The following ZNF469 variants were observed in gnomAD, a reference collection of about 807,000 sequenced individuals.
The protein encoded by ZNF469 is zinc finger protein 469.
ZNF469 carries 1 observed loss-of-function variant against 1.0 expected under a neutral mutation model. The observed-to-expected ratio is 1.00, with a 90% CI of 0.35 to 4.73. The LOEUF is 4.73. Among genes scored for constraint, ZNF469 ranks in the 30% most tolerant of loss-of-function variants. The pLI is 0.16. For missense variants in ZNF469, 6,100 were observed against 5,356.3 expected, an observed-to-expected ratio of 1.14 and a Z score of -4.33; for synonymous variants, 2,703 against 2,363.4, an observed-to-expected ratio of 1.14 and a Z score of -4.17.
chr16:88,279,739 A>G, the ZNF469 span, among the ~76,000 whole-genome samples: 388 of 98,014 alleles, frequency 4.0e-3, no homozygotes, highest in Middle Eastern at 0.029. Flanking sequence ...GCTGCGCCAC[A>G]CTGACACTCG....
chr16:88,229,028 C>A, the ZNF469 span, among the ~76,000 whole-genome samples: 8 of 152,132 alleles, frequency 5.3e-5, no homozygotes, highest in Non-Finnish European at 7.3e-5. Flanking sequence ...CTGCAGTCCA[C>A]GGTCAACAAA....
At chr16:88,239,368 G>C in the ZNF469 span, among the ~76,000 whole-genome samples, 1 of 152,054 alleles carries the variant, frequency 6.6e-6, no homozygotes. Flanking sequence ...ACTGTTGAAA[G>C]CCACTTATAT....
At chr16:88,124,964 T>G in the ZNF469 span, among the ~76,000 whole-genome samples, 1 of 152,260 alleles carries the variant, frequency 6.6e-6, no homozygotes, top group Non-Finnish European at 1.5e-5. Flanking sequence ...TTTGTCTATC[T>G]CAGGGTCATG....
the ZNF469 span, among the ~76,000 whole-genome samples, chr16:88,363,510 T>G: frequency 6.6e-6 from 1 of 152,248 alleles, no homozygotes. Context: ...CATGCATGTG[T>G]GGCTTGGGGG....
the ZNF469 span, among the ~76,000 whole-genome samples, chr16:88,171,703 G>A: frequency 6.6e-5 from 10 of 152,288 alleles, no homozygotes; most frequent in Admixed American, 1.3e-4. Flanking sequence ...AAGACCCATC[G>A]CTGCGTTACC....
chr16:88,315,171 G>A, the ZNF469 span, among the ~76,000 whole-genome samples: 1 of 152,312 alleles, frequency 6.6e-6, no homozygotes, highest in East Asian at 1.9e-4. Flanking sequence ...TCCCCCGAGG[G>A]CCAGGGCTCC....
chr16:88,375,906 AGAAGAGCTGGCTGACGT>A, the ZNF469 span, among the ~76,000 whole-genome samples: 6 of 152,260 alleles, frequency 3.9e-5, no homozygotes, highest in African/African-American at 1.2e-4. Flanking sequence ...ACTAAAGGGA[AGAAGAGCTGGCTGACGT>A]GTGGGCCGGA....
At chr16:88,190,478 G>A in the ZNF469 span, among the ~76,000 whole-genome samples, 1 of 152,254 alleles carries the variant, frequency 6.6e-6, no homozygotes, top group Admixed American at 6.5e-5. Context: ...GGAGGTGGAG[G>A]AGGGAGGACA....
chr16:88,122,328 G>A, the ZNF469 span, among the ~76,000 whole-genome samples: 1 of 148,884 alleles, frequency 6.7e-6, no homozygotes, highest in African/African-American at 2.6e-5. Flanking sequence ...CACTTGGTGT[G>A]GCCACGGCAG....
chr16:88,192,936 G>A, the ZNF469 span, among the ~76,000 whole-genome samples: 2 of 149,698 alleles, frequency 1.3e-5, no homozygotes, highest in African/African-American at 2.5e-5. Context: ...TGGTGATAGT[G>A]ATGATGGTGA....
the ZNF469 span, among the ~76,000 whole-genome samples, chr16:88,183,666 G>C: frequency 2.6e-5 from 4 of 152,330 alleles, no homozygotes; most frequent in East Asian, 5.8e-4. Context: ...TGCCTCTGTC[G>C]GGGCAGAAGT....
the ZNF469 span, among the ~76,000 whole-genome samples, chr16:88,197,140 G>A: frequency 6.6e-6 from 1 of 152,198 alleles, no homozygotes. Context: ...ATCACACCTA[G>A]GAAGCTGGCT....
At chr16:88,346,131 T>C in the ZNF469 span, among the ~76,000 whole-genome samples, 4,599 of 152,200 alleles carry the variant, frequency 0.03, 226 homozygotes, top group African/African-American at 0.1. Context: ...TTCCTACTCT[T>C]CCTCCGTGGG....
At chr16:88,397,329 G>A (rs1179801991) in intron 1 of ZNF469, among the ~76,000 whole-genome samples, 1 of 152,238 alleles carries the variant, frequency 6.6e-6, no homozygotes, top group Non-Finnish European at 1.5e-5. Context: ...TGGGACCTGG[G>A]ACAGGGTCAG....
At chr16:88,268,234 C>G in the ZNF469 span, among the ~76,000 whole-genome samples, 1 of 152,112 alleles carries the variant, frequency 6.6e-6, no homozygotes, top group African/African-American at 2.4e-5. Flanking sequence ...TCCCATGCCC[C>G]GTTGTCAGTC....
chr16:88,172,228 T>C, the ZNF469 span, among the ~76,000 whole-genome samples: 2 of 152,168 alleles, frequency 1.3e-5, no homozygotes, highest in East Asian at 3.9e-4. Context: ...TGGCTAAGCG[T>C]TGATCTGTGT....
At chr16:88,251,856 G>A in the ZNF469 span, among the ~76,000 whole-genome samples, 1 of 151,918 alleles carries the variant, frequency 6.6e-6, no homozygotes, top group African/African-American at 2.4e-5. Flanking sequence ...ACCGCGCCGG[G>A]CCCCTGCTCT....
chr16:88,119,428 A>C, the ZNF469 span, among the ~76,000 whole-genome samples: 3 of 152,214 alleles, frequency 2.0e-5, no homozygotes, highest in African/African-American at 7.2e-5. Flanking sequence ...GACCCTGATG[A>C]GAATAACCTT....
chr16:88,317,212 G>A, the ZNF469 span, among the ~76,000 whole-genome samples: 5 of 152,204 alleles, frequency 3.3e-5, no homozygotes, highest in Admixed American at 6.5e-5. Flanking sequence ...GTGGGGAGCC[G>A]AAGCAGTTCC....
Sources: gnomAD v4.1 joint callset for allele counts (sites outside exome capture counted in the v4.1 genomes callset) on GRCh38, gnomAD v4.1.1 for gene constraint, MANE v1.5 for transcripts, NCBI Gene and HGNC (gene_info 2026-07-23, HGNC 2026-07-21) for gene names.